Variants in HERC3 observed in about 807,000 individuals in gnomAD.
HERC3 encodes the protein probable E3 ubiquitin-protein ligase HERC3.
HERC3 carries 58 observed loss-of-function variants against 129.9 expected under a neutral mutation model. The observed-to-expected ratio is 0.45, with a 90% CI of 0.36 to 0.56. HERC3 has a LOEUF of 0.56. Ranked by LOEUF, HERC3 falls within the 20% of genes least tolerant of loss-of-function variation. HERC3 has a pLI of 0.00. For missense variants in HERC3, 835 were observed against 1,244.2 expected, an observed-to-expected ratio of 0.67 and a Z score of 4.95; for synonymous variants, 430 against 451.0, an observed-to-expected ratio of 0.95 and a Z score of 0.59.
At chr4:88,608,116 C>T (rs940916346) in intron 3 of HERC3, among the ~76,000 whole-genome samples, 1 of 152,138 alleles carries the variant, frequency 6.6e-6, no homozygotes, top group Non-Finnish European at 1.5e-5. Flanking sequence ...GTTTATTATT[C>T]CCTTCCATAG....
intron 2 of HERC3, among the ~76,000 whole-genome samples, chr4:88,600,811 C>G (rs1166408035): frequency 6.6e-6 from 1 of 150,932 alleles, no homozygotes; most frequent in African/African-American, 2.5e-5. Flanking sequence ...AGAAACTTAC[C>G]TAATACACAT....
At chr4:88,697,929 G>C in intron 23 of HERC3, 1 of 814,500 alleles carries the variant, frequency 1.2e-6, no homozygotes, top group Non-Finnish European at 1.9e-6. Flanking sequence ...CCCACTATCA[G>C]CTGACGGCCG....
At position 88,626,285 on chromosome 4, in the gene HERC3, G is replaced by A. The variant is rs902203616; in HGVS notation, c.226+20236G>A. The stretch of plus-strand genomic sequence containing the variant: ...TGGTCTTGAACTCCTGGGATCTAGT[G>A]ATCCTCCCACCTCAACCTCCCAAGA... On this transcript the variant is annotated intron_variant, in intron 3 of 25. Transcript: ENST00000402738. Among the ~76,000 whole-genome samples, 15 of 151,826 alleles carry A rather than the reference G, an allele frequency of 9.9e-5. 1 individual carries two copies. The highest frequency in any genetic ancestry group is 3.6e-4 in the African/African-American group (15 of 41,318).
intron 3 of HERC3, among the ~76,000 whole-genome samples, chr4:88,638,097 A>G (rs1427641120): frequency 1.3e-5 from 2 of 152,208 alleles, no homozygotes; most frequent in Admixed American, 6.5e-5. Context: ...AGTCAGTAAT[A>G]GATACCCTAC....
At chr4:88,629,939 G>C (rs1437001468) in intron 3 of HERC3, among the ~76,000 whole-genome samples, 2 of 152,170 alleles carry the variant, frequency 1.3e-5, no homozygotes, top group African/African-American at 2.4e-5. Flanking sequence ...TTAGTATAGA[G>C]AGCTTTTTAT....
At chr4:88,596,801 A>G (rs910105674) in intron 2 of HERC3, among the ~76,000 whole-genome samples, 1 of 152,146 alleles carries the variant, frequency 6.6e-6, no homozygotes, top group East Asian at 1.9e-4. Context: ...CTCTATTCCT[A>G]CTGCCTCCAC....
the HERC3 span, among the ~76,000 whole-genome samples, chr4:88,558,523 G>C: frequency 6.6e-6 from 1 of 152,116 alleles, no homozygotes; most frequent in Non-Finnish European, 1.5e-5. Context: ...GGGGAGTGAG[G>C]AATAAAACAC....
chr4:88,604,073 TGCAATGGCGTGACCTCA>T (rs1486927237), intron 2 of HERC3, among the ~76,000 whole-genome samples: 1 of 152,022 alleles, frequency 6.6e-6, no homozygotes, highest in African/African-American at 2.4e-5. Context: ...CAAGCTGGAG[TGCAATGGCGTGACCTCA>T]GCTCACTGCA....
intron 2 of HERC3, 66 bp from the exon 3 acceptor site, chr4:88,605,729 A>C (rs531925528): frequency 1.1e-6 from 1 of 897,756 alleles, no homozygotes; most frequent in East Asian, 2.7e-5. Flanking sequence ...GGTTACATTC[A>C]TTACTTGATT....
intron 2 of HERC3, among the ~76,000 whole-genome samples, chr4:88,599,309 G>C (rs750429196): frequency 6.6e-6 from 1 of 151,880 alleles, no homozygotes; most frequent in African/African-American, 2.4e-5. Context: ...GACCTAGGCC[G>C]TATTTATAGT....
chr4:88,701,816 T>G (rs1735346546), intron 23 of HERC3, among the ~76,000 whole-genome samples: 1 of 152,010 alleles, frequency 6.6e-6, no homozygotes, highest in Non-Finnish European at 1.5e-5. Flanking sequence ...TTTTTTTTTT[T>G]TTTTGAGATA....
intron 23 of HERC3, chr4:88,697,849 G>T: frequency 6.7e-7 from 1 of 1,481,970 alleles, no homozygotes; most frequent in Non-Finnish European, 9.0e-7. Context: ...GCAAGTGGCG[G>T]TGACGTGCGG....
intron 21 of HERC3, among the ~76,000 whole-genome samples, chr4:88,683,825 G>A (rs1409804237): frequency 2.8e-4 from 42 of 152,186 alleles, no homozygotes. Flanking sequence ...CCTGCAGGCT[G>A]TGTGTGGTCC....
At chr4:88,598,757 G>A (rs1722671913) in intron 2 of HERC3, among the ~76,000 whole-genome samples, 1 of 152,020 alleles carries the variant, frequency 6.6e-6, no homozygotes, top group African/African-American at 2.4e-5. Flanking sequence ...GTTAATGTAG[G>A]GCTTGGATTT....
the HERC3 span, among the ~76,000 whole-genome samples, chr4:88,558,267 A>G: frequency 6.6e-6 from 1 of 152,240 alleles, no homozygotes; most frequent in African/African-American, 2.4e-5. Context: ...CCCTCGACCA[A>G]TGAGTGGATA....
intron 1 of HERC3, among the ~76,000 whole-genome samples, chr4:88,592,962 C>T (rs1286524260): frequency 1.3e-5 from 2 of 152,156 alleles, no homozygotes; most frequent in Non-Finnish European, 1.5e-5. Context: ...GAGGATAGTC[C>T]CTATGCTCGC....
intron 23 of HERC3, among the ~76,000 whole-genome samples, chr4:88,694,736 A>G (rs1447287825): frequency 6.6e-6 from 1 of 152,228 alleles, no homozygotes; most frequent in Non-Finnish European, 1.5e-5. Flanking sequence ...CAGTCTTACT[A>G]TCCAAAGGCT....
chr4:88,628,462 G>A (rs1726376332), intron 3 of HERC3, among the ~76,000 whole-genome samples: 1 of 151,594 alleles, frequency 6.6e-6, no homozygotes, highest in Non-Finnish European at 1.5e-5. Context: ...GCATATAGTT[G>A]TGTCTCCCAC....
rs575047145 is a variant in HERC3 at position 88,658,841 on chromosome 4, T to C, written c.1146+350T>C. 1.2e-4 allele frequency among the ~76,000 whole-genome samples: 18 copies of C among 152,348 alleles called. 1 individual carries two copies. In the East Asian group the frequency reaches 3.5e-3, roughly 29 times the overall value. ...TTCCCTGTTAAGTGGCAACAAATGC[T>C]AGGTGTTTGAGAACTTGGTGGGTTT... On this transcript the variant is annotated intron_variant, in intron 10 of 25. Transcript: ENST00000402738.
Sources: gnomAD v4.1 joint callset for allele counts (sites outside exome capture counted in the v4.1 genomes callset) on GRCh38, gnomAD v4.1.1 for gene constraint, MANE v1.5 for transcripts, NCBI Gene and HGNC (gene_info 2026-07-23, HGNC 2026-07-21) for gene names.